Variants in ALPK2 observed in about 807,000 individuals in gnomAD.
The protein encoded by ALPK2 is alpha kinase 2.
In ALPK2, 127 loss-of-function variants were observed where a neutral mutation model predicts 163.1. The observed-to-expected ratio is 0.78, with a 90% confidence interval of 0.67 to 0.90. ALPK2 has a LOEUF of 0.90. Among genes scored for constraint, ALPK2 ranks in the 40% least tolerant of loss-of-function variants. The pLI is 0.00. For synonymous variants in ALPK2, 953 were observed against 959.1 expected (o/e 0.99, Z 0.12); for missense variants, 2,360 against 2,589.6 (o/e 0.91, Z 1.92).
chr18:58,609,433 A>G (rs2052116220), intron 2 of ALPK2, among the ~76,000 whole-genome samples: 1 of 152,160 alleles, frequency 6.6e-6, no homozygotes, highest in Non-Finnish European at 1.5e-5. Context: ...ACACTCCTTT[A>G]TAGGAAGCAG....
At chr18:58,502,375 G>T (rs1602188795) in intron 11 of ALPK2, among the ~76,000 whole-genome samples, 1 of 151,856 alleles carries the variant, frequency 6.6e-6, no homozygotes, top group African/African-American at 2.4e-5. Flanking sequence ...AAAAAAATGG[G>T]TTAAAAGAAA....
intron 10 of ALPK2, among the ~76,000 whole-genome samples, chr18:58,508,391 C>T (rs2051472072): frequency 1.3e-5 from 2 of 152,202 alleles, no homozygotes; most frequent in South Asian, 4.1e-4. Flanking sequence ...TACTGGGCTG[C>T]ATTCCCTGAT....
chr18:58,529,838 C>T (rs1434103437), intron 5 of ALPK2, among the ~76,000 whole-genome samples: 1 of 152,202 alleles, frequency 6.6e-6, no homozygotes, highest in African/African-American at 2.4e-5. Flanking sequence ...ACAATTCCCA[C>T]TGGTTGGGCT....
At chr18:58,483,906 C>A (rs9962772) in intron 12 of ALPK2, among the ~76,000 whole-genome samples, 49,696 of 151,624 alleles carry the variant, frequency 0.33, 9,002 homozygotes, top group African/African-American at 0.49. Context: ...CCTTTCCAAC[C>A]AAGTCACATC....
intron 4 of ALPK2, among the ~76,000 whole-genome samples, chr18:58,545,952 G>T (rs767422182): frequency 6.6e-6 from 1 of 152,110 alleles, no homozygotes; most frequent in African/African-American, 2.4e-5. Context: ...TTTGTCATTC[G>T]ATAGATCAAA....
chr18:58,616,965 C>T (rs1213755164), intron 1 of ALPK2, among the ~76,000 whole-genome samples: 2 of 152,124 alleles, frequency 1.3e-5, no homozygotes, highest in Non-Finnish European at 2.9e-5. Context: ...GGATCTGACA[C>T]TATCTCCAGG....
At chr18:58,587,494 T>C (rs894911436) in intron 3 of ALPK2, among the ~76,000 whole-genome samples, 3 of 152,006 alleles carry the variant, frequency 2.0e-5, no homozygotes, top group African/African-American at 7.3e-5. Flanking sequence ...AAGAAAACCA[T>C]GTCTAAAGAG....
intron 11 of ALPK2, among the ~76,000 whole-genome samples, chr18:58,498,623 C>T (rs1280020568): frequency 6.6e-6 from 1 of 152,160 alleles, no homozygotes; most frequent in Non-Finnish European, 1.5e-5. Context: ...CCCATAATTC[C>T]CATGTGTGGT....
At chr18:58,565,530 T>C (rs1339614041) in intron 4 of ALPK2, among the ~76,000 whole-genome samples, 1 of 152,240 alleles carries the variant, frequency 6.6e-6, no homozygotes, top group Non-Finnish European at 1.5e-5. Flanking sequence ...CCATAAACTT[T>C]GTATATATTT....
intron 8 of ALPK2, among the ~76,000 whole-genome samples, chr18:58,518,221 T>G (rs768041601): frequency 6.6e-6 from 1 of 152,234 alleles, no homozygotes; most frequent in Non-Finnish European, 1.5e-5. Flanking sequence ...TCAGGAAATA[T>G]TTTTCTCTTC....
chr18:58,537,181 G>A lies in ALPK2; in HGVS notation c.3006C>T (p.Thr1002=). The A allele has an allele frequency of 6.2e-7, 1 of 1,613,278 alleles. No homozygotes were observed. The highest frequency in any genetic ancestry group is 8.5e-7 in the Non-Finnish European group (1 of 1,179,712). ...CAGTTGATGTGTCCTCAGTCTCCCT[G>A]GTCGCTTGAAAGCACTCATTATTAG... is the stretch of plus-strand genomic sequence containing the variant. ...LTANNECFQA[T]RETEDTSTVT... is the part of the protein sequence containing the mutation. Residue 1002 remains threonine, a synonymous_variant, in exon 5 of 13, where the codon ACC becomes ACT. Coordinates refer to ENST00000361673, the MANE Select transcript of ALPK2 (RefSeq NM_052947.4).
rs1286040214 is a variant in ALPK2 at position 58,524,031 on chromosome 18, T to G, written c.5533A>C (p.Ile1845Leu). 4 of 1,613,990 alleles carry G rather than the reference T, an allele frequency of 2.5e-6. No homozygotes were observed. Among genetic ancestry groups the G allele is most frequent in the Non-Finnish European group, 3.4e-6 (4 of 1,179,878 alleles). Residue 1845 changes from isoleucine to leucine, a missense_variant, in exon 7 of 13, where the codon ATC (isoleucine) becomes CTC (leucine). Ile to Leu is a conservative substitution (Grantham distance 5). Coordinates refer to ENST00000361673, the MANE Select transcript of ALPK2 (RefSeq NM_052947.4). ...AGDNSTVSFA[I>L]VQASPKDQGL... Reference sequence around the variant, plus strand: ...TGGTCCTTCGGACTGGCTTGCACGATGGCAAAGGAAACAGTGGAGTTGTCC... The same window carrying G: ...TGGTCCTTCGGACTGGCTTGCACGAGGGCAAAGGAAACAGTGGAGTTGTCC...
intron 4 of ALPK2, among the ~76,000 whole-genome samples, chr18:58,576,734 G>C (rs1317977459): frequency 1.3e-5 from 2 of 152,114 alleles, no homozygotes; most frequent in African/African-American, 4.8e-5. Flanking sequence ...CAGTCCCTGT[G>C]GCAAAATTTT....
At position 58,537,629 on chromosome 18, in the gene ALPK2, C is replaced by T. The variant is rs1201619022; in HGVS notation, c.2558G>A (p.Cys853Tyr). The T allele has an allele frequency of 2.5e-6, 4 of 1,613,536 alleles. No individual in the cohort carries two copies. The highest frequency in any genetic ancestry group is 2.2e-5 in the East Asian group (1 of 44,848). ...AEGQNKVSDL[C>Y]SSNDKTLEVF... is the part of the protein sequence containing the mutation. ...TTCCAGTGTCTTGTCATTAGAAGAA[C>T]ATAAATCAGATACTTTGTTTTGACC... is the stretch of plus-strand genomic sequence containing the variant. Residue 853 changes from cysteine (C) to tyrosine (Y), a missense_variant, in exon 5 of 13, where the codon TGT becomes TAT. Coordinates refer to ENST00000361673, the MANE Select transcript of ALPK2 (RefSeq NM_052947.4).
At chr18:58,592,079 C>G (rs1475008074) in intron 3 of ALPK2, among the ~76,000 whole-genome samples, 1 of 152,158 alleles carries the variant, frequency 6.6e-6, no homozygotes, top group Non-Finnish European at 1.5e-5. Context: ...TACCACAGAC[C>G]GGGGATGAGG....
At chr18:58,549,844 GGTGGCTA>G (rs1380568891) in intron 4 of ALPK2, among the ~76,000 whole-genome samples, 1 of 152,146 alleles carries the variant, frequency 6.6e-6, no homozygotes, top group Non-Finnish European at 1.5e-5. Context: ...TAGGTGGAAG[GGTGGCTA>G]GTTCCTGTGT....
intron 1 of ALPK2, among the ~76,000 whole-genome samples, chr18:58,613,329 G>A (rs1326745886): frequency 6.6e-6 from 1 of 152,150 alleles, no homozygotes; most frequent in African/African-American, 2.4e-5. Context: ...CCCGGTTCAA[G>A]ATGAAAATGA....
At chr18:58,490,046 T>A (rs537195758) in intron 12 of ALPK2, among the ~76,000 whole-genome samples, 1 of 151,772 alleles carries the variant, frequency 6.6e-6, no homozygotes, top group Admixed American at 6.6e-5. Flanking sequence ...ACTCCACCCT[T>A]GGTGACAGAG....
At chr18:58,603,030 C>T (rs758600051) in intron 3 of ALPK2, among the ~76,000 whole-genome samples, 3 of 152,190 alleles carry the variant, frequency 2.0e-5, no homozygotes, top group Admixed American at 6.5e-5. Context: ...GCCCTTTTCC[C>T]AGAAAACACA....
Sources: gnomAD v4.1 joint callset for allele counts (sites outside exome capture counted in the v4.1 genomes callset) on GRCh38, gnomAD v4.1.1 for gene constraint, MANE v1.5 for transcripts, NCBI Gene and HGNC (gene_info 2026-07-23, HGNC 2026-07-21) for gene names.